ATP2C2: variants seen among roughly 807,000 people sequenced by gnomAD.
ATP2C2 encodes calcium-transporting ATPase type 2C member 2.
Under a neutral mutation model 110.8 loss-of-function variants are expected in ATP2C2, and 171 were observed. The observed-to-expected ratio is 1.54, with a 90% CI of 1.36 to 1.75. ATP2C2 has a LOEUF of 1.75. ATP2C2 is among the 40% of genes most tolerant of loss of function. The pLI is 0.00. For missense variants in ATP2C2, 1,963 were observed against 1,235.0 expected (o/e 1.59, Z -8.84); for synonymous variants, 804 against 508.4 (o/e 1.58, Z -7.82).
At chr16:84,412,471 T>C (rs1906442849) in intron 6 of ATP2C2, among the ~76,000 whole-genome samples, 1 of 146,888 alleles carries the variant, frequency 6.8e-6, no homozygotes, top group African/African-American at 2.5e-5. Flanking sequence ...CGTGTGTGTG[T>C]CTGTGCATGT....
In ATP2C2 at chr16:84,449,305, G is replaced by C. The variant is rs536374846; in HGVS notation, c.1660+616G>C. ...TGTAGGTTGCTGGCAGGCTTGCTCAGAGGTGTACGGGGCGAGACCCTTGCG... is the reference window on the plus strand; with the variant it reads ...TGTAGGTTGCTGGCAGGCTTGCTCACAGGTGTACGGGGCGAGACCCTTGCG... On this transcript the variant is annotated intron_variant, in intron 17 of 26. Transcript: ENST00000262429. Among the ~76,000 whole-genome samples, 4 of 152,376 alleles carry C rather than the reference G, an allele frequency of 2.6e-5. No individual in the cohort carries two copies. In the East Asian group the frequency reaches 7.7e-4, roughly 29 times the overall value.
At chr16:84,387,444 G>C (rs939229063) in intron 1 of ATP2C2, among the ~76,000 whole-genome samples, 2 of 152,060 alleles carry the variant, frequency 1.3e-5, no homozygotes, top group Non-Finnish European at 2.9e-5. Context: ...CCAGGGAGGC[G>C]GAGGTTGCAG....
At position 84,439,213 on chromosome 16, in the gene ATP2C2, T is replaced by A; in HGVS notation, c.1034T>A (p.Val345Glu). The A allele has an allele frequency of 6.2e-7, 1 of 1,612,298 alleles. No homozygotes were observed. The highest frequency in any genetic ancestry group is 8.5e-7 in the Non-Finnish European group (1 of 1,180,036). ...GAGGGTCTGCCCATCGTCGTCATGG[T>A]GACGCTGGTCCTGGGAGTGCTGCGG... is the stretch of plus-strand genomic sequence containing the variant. ...IPEGLPIVVMVTLVLGVLRMA... is the reference protein window; with the variant it reads ...IPEGLPIVVMETLVLGVLRMA... Residue 345 changes from valine (V) to glutamate (E), a missense_variant, in exon 12 of 27, where the codon GTG becomes GAG. Val to Glu is a moderately radical substitution (Grantham distance 121, BLOSUM62 -2). Transcript: ENST00000262429.
chr16:84,460,979 C>T (rs995651705), intron 24 of ATP2C2, 178 bp downstream of exon 24: 2 of 937,662 alleles, frequency 2.1e-6, no homozygotes, highest in Non-Finnish European at 3.0e-6. Context: ...CTGGGTGACC[C>T]TTGAAAGAAG....
intron 1 of ATP2C2, among the ~76,000 whole-genome samples, chr16:84,398,232 T>A (rs567972030): frequency 6.6e-6 from 1 of 151,934 alleles, no homozygotes. Flanking sequence ...TGAAACCTCG[T>A]CTCTACTAAA....
intron 3 of ATP2C2, among the ~76,000 whole-genome samples, chr16:84,408,160 G>A (rs1905943745): frequency 6.6e-6 from 1 of 152,224 alleles, no homozygotes; most frequent in Non-Finnish European, 1.5e-5. Context: ...GAACTCAAAG[G>A]CAGGGCTGAG....
chr16:84,451,917 T>C lies in ATP2C2; in HGVS notation c.1661-4T>C, dbSNP rs1271344374. On this transcript the variant is annotated splice_polypyrimidine_tract_variant and splice_region_variant and intron_variant, in intron 17 of 26. Coordinates refer to ENST00000262429, the MANE Select transcript of ATP2C2 (RefSeq NM_014861.4). ...ACCCCTCCTTACTCCCCCTCTCTCC[T>C]CAGTGCTGGCCCTGGCTTCTGGGCC... The C allele has an allele frequency of 6.2e-7, 1 of 1,612,536 alleles. No individual in the cohort carries two copies. Among genetic ancestry groups the C allele is most frequent in the Non-Finnish European group, 8.5e-7 (1 of 1,179,594 alleles).
At position 84,446,366 on chromosome 16, in the gene ATP2C2, A is replaced by G. The variant is rs1909747847; in HGVS notation, c.1439A>G (p.Lys480Arg). 3 of 1,604,368 alleles carry G rather than the reference A, an allele frequency of 1.9e-6. No individual in the cohort carries two copies. The highest frequency in any genetic ancestry group is 2.5e-6 in the Non-Finnish European group (3 of 1,176,688). ...LSDIKNSYIR[K>R]KEIPFSSEQK... The stretch of plus-strand genomic sequence containing the variant: ...GATATTAAAAATTCATATATAAGAA[A>G]AAAAGAGATTCCATTCAGTTCAGAG... Residue 480 changes from lysine to arginine, a missense_variant, in exon 16 of 27, where the codon AAA (lysine) becomes AGA (arginine). Transcript: ENST00000262429.
At chr16:84,388,447 G>A in intron 1 of ATP2C2, among the ~76,000 whole-genome samples, 1 of 152,252 alleles carries the variant, frequency 6.6e-6, no homozygotes, top group East Asian at 1.9e-4. Flanking sequence ...TAGGCCCAGG[G>A]TAGGGCCTGA....
At chr16:84,384,647 A>G (rs1184686294) in intron 1 of ATP2C2, among the ~76,000 whole-genome samples, 1 of 152,188 alleles carries the variant, frequency 6.6e-6, no homozygotes, top group Non-Finnish European at 1.5e-5. Flanking sequence ...TCGCTCATTA[A>G]GTTCGGCATG....
At chr16:84,444,173 A>C (rs1007829524) in intron 15 of ATP2C2, among the ~76,000 whole-genome samples, 3 of 150,972 alleles carry the variant, frequency 2.0e-5, no homozygotes, top group Non-Finnish European at 4.4e-5. Context: ...AAAAAAAAAA[A>C]AAAAAAAAAA....
rs777893489 is a variant in ATP2C2 at position 84,461,836 on chromosome 16, C to T, written c.2580+24C>T. The T allele has an allele frequency of 4.9e-5, 79 of 1,610,488 alleles. 1 individual carries two copies. The highest frequency in any genetic ancestry group is 3.3e-4 in the Middle Eastern group (2 of 6,054). On this transcript the variant is annotated intron_variant, in intron 25 of 26. Transcript: ENST00000262429. ...AGGTGAGACCCGGGCTGACCCTCCT[C>T]GCTGCAGAGCTGCTGTGTGTTCTCG...
rs1301747668 is a variant in ATP2C2 at position 84,420,671 on chromosome 16, A to G, written c.625-1719A>G. Among the ~76,000 whole-genome samples, 7 of 151,922 alleles carry G rather than the reference A, an allele frequency of 4.6e-5. No individual in the cohort carries two copies. The East Asian group carries it at 1.4e-3, about 29-fold the overall frequency. ...TACCTTGAGTCTGTGACACTTTCAG[A>G]TCCCCATAGATTTCCCTAATGTCCT... On this transcript the variant is annotated intron_variant, in intron 7 of 26. Coordinates refer to ENST00000262429, the MANE Select transcript of ATP2C2 (RefSeq NM_014861.4).
At chr16:84,438,546 G>C (rs571087692) in intron 11 of ATP2C2, among the ~76,000 whole-genome samples, 1 of 152,296 alleles carries the variant, frequency 6.6e-6, no homozygotes, top group African/African-American at 2.4e-5. Context: ...CGCTCTCCTC[G>C]AATCCAGCCA....
Position 84,368,576 on chromosome 16 carries a change from G to C in ATP2C2, c.-40G>C, listed in dbSNP as rs1224274361. 10 of 1,471,402 alleles carry C rather than the reference G, an allele frequency of 6.8e-6. No individual in the cohort carries two copies. The highest frequency in any genetic ancestry group is 5.3e-5 in the East Asian group (2 of 37,892). 91.1% of individuals were successfully genotyped at this position (1,471,402 alleles called of 1,614,324 possible). On this transcript the variant is annotated 5_prime_UTR_variant, in exon 1 of 27. Coordinates refer to ENST00000262429, the MANE Select transcript of ATP2C2 (RefSeq NM_014861.4). Reference sequence around the variant, plus strand: ...GCGCGCAGCCATCCCGGGCCTCGCCGGGGACCTAGGGACGCAGGCAACGCC... The same window carrying C: ...GCGCGCAGCCATCCCGGGCCTCGCCCGGGACCTAGGGACGCAGGCAACGCC...
At chr16:84,446,535 C>A in intron 16 of ATP2C2, 105 bp downstream of exon 16, 1 of 716,958 alleles carries the variant, frequency 1.4e-6, no homozygotes, top group Non-Finnish European at 2.2e-6. Flanking sequence ...TTCCTGGCTG[C>A]TTCTGTGACG....
chr16:84,428,883 CT>C (rs1255208410), intron 11 of ATP2C2, among the ~76,000 whole-genome samples: 1 of 152,178 alleles, frequency 6.6e-6, no homozygotes, highest in East Asian at 1.9e-4. Flanking sequence ...AGGGGTTGGA[CT>C]TTCCCCCTAG....
At chr16:84,392,051 A>G (rs1350930815) in intron 1 of ATP2C2, among the ~76,000 whole-genome samples, 1 of 151,614 alleles carries the variant, frequency 6.6e-6, no homozygotes, top group African/African-American at 2.4e-5. Context: ...TTAATTTTAT[A>G]CTATTTAATT....
intron 1 of ATP2C2, among the ~76,000 whole-genome samples, chr16:84,373,073 T>G (rs375105782): frequency 7.0e-6 from 1 of 142,074 alleles, no homozygotes; most frequent in African/African-American, 2.6e-5. Flanking sequence ...AGAGCTGAGA[T>G]CACGAAACTG....
Sources: gnomAD v4.1 joint callset for allele counts (sites outside exome capture counted in the v4.1 genomes callset) on GRCh38, gnomAD v4.1.1 for gene constraint, MANE v1.5 for transcripts, NCBI Gene and HGNC (gene_info 2026-07-23, HGNC 2026-07-21) for gene names.